Variants in PCSK5 observed in about 807,000 individuals in gnomAD.
PCSK5 encodes the protein prohormone convertase 5.
Under a neutral mutation model 233.2 loss-of-function variants are expected in PCSK5, and 129 were observed. The ratio of observed to expected loss-of-function variants is 0.55; its 90% confidence interval spans 0.48 to 0.64. The LOEUF (loss-of-function observed/expected upper bound fraction) is 0.64. Among genes scored for constraint, PCSK5 ranks in the 30% least tolerant of loss-of-function variants. The pLI, the probability that PCSK5 is intolerant of heterozygous loss-of-function variation, is 0.00. For synonymous variants in PCSK5, 825 were observed against 879.2 expected (o/e 0.94, Z 1.09); for missense variants, 2,076 against 2,430.1 (o/e 0.85, Z 3.06).
intron 1 of PCSK5, among the ~76,000 whole-genome samples, chr9:75,917,912 C>G (rs1823073918): frequency 1.3e-5 from 2 of 152,164 alleles, no homozygotes; most frequent in Non-Finnish European, 2.9e-5. Context: ...TATGGCAGGA[C>G]TTAATGGTTA....
At chr9:76,159,755 C>T (rs1037664839) in intron 12 of PCSK5, among the ~76,000 whole-genome samples, 4 of 150,174 alleles carry the variant, frequency 2.7e-5, no homozygotes, top group Non-Finnish European at 4.4e-5. Context: ...GAGGCGCAGG[C>T]TAGATTTGGC....
intron 2 of PCSK5, among the ~76,000 whole-genome samples, chr9:75,936,305 C>T (rs561786979): frequency 1.3e-5 from 2 of 152,238 alleles, no homozygotes; most frequent in South Asian, 2.1e-4. Flanking sequence ...TTTGCCATAT[C>T]AGTTGACTCT....
chr9:75,935,186 G>A (rs968181723), intron 2 of PCSK5, among the ~76,000 whole-genome samples: 8 of 152,052 alleles, frequency 5.3e-5, no homozygotes, highest in African/African-American at 1.9e-4. Flanking sequence ...TCTTGTCTCA[G>A]CCTCCTGAGT....
intron 7 of PCSK5, among the ~76,000 whole-genome samples, chr9:76,092,141 G>T (rs977985114): frequency 6.6e-6 from 1 of 152,022 alleles, no homozygotes; most frequent in African/African-American, 2.4e-5. Context: ...TGGAAACTAC[G>T]TCCTACCTCT....
At chr9:76,041,396 T>A (rs1330952608) in intron 5 of PCSK5, among the ~76,000 whole-genome samples, 1 of 152,172 alleles carries the variant, frequency 6.6e-6, no homozygotes, top group Non-Finnish European at 1.5e-5. Context: ...AGTGAGCTCC[T>A]TGCAAGCTTT....
At chr9:76,238,148 A>T (rs1033241755) in intron 22 of PCSK5, among the ~76,000 whole-genome samples, 1 of 151,736 alleles carries the variant, frequency 6.6e-6, no homozygotes, top group Non-Finnish European at 1.5e-5. Flanking sequence ...CAGCACAAAA[A>T]CTCCGGGAGG....
At chr9:76,323,589 C>A (rs569217035) in intron 32 of PCSK5, among the ~76,000 whole-genome samples, 2 of 152,160 alleles carry the variant, frequency 1.3e-5, no homozygotes, top group East Asian at 3.9e-4. Context: ...CAATCCTCTG[C>A]CTTGGGCTCC....
In PCSK5 at chr9:76,081,472, TAAACAAAC is replaced by T. The variant is rs374257054; in HGVS notation, c.894+9582_894+9589del. Among the ~76,000 whole-genome samples, 1,484 of 151,840 alleles carry T rather than the reference TAAACAAAC, an allele frequency of 9.8e-3. 17 individuals carry two copies. Among genetic ancestry groups the T allele is most frequent in the African/African-American group, 0.03 (1,231 of 41,392 alleles). Reference sequence around the variant, plus strand: ...TCTGTCTCAAAAATAAATAAATAAATAAACAAACAAACAAATAAATAAATAAATAAATA... The same window carrying T: ...TCTGTCTCAAAAATAAATAAATAAATAAACAAATAAATAAATAAATAAATA... On this transcript the variant is annotated intron_variant, in intron 7 of 37. Transcript: ENST00000674117.
intron 5 of PCSK5, among the ~76,000 whole-genome samples, chr9:76,040,385 G>GTCTCTCTGTCTCTCTCTCTC (rs1563988638): frequency 1.2e-5 from 1 of 80,624 alleles, no homozygotes. Context: ...CTCTCTCTCT[G>GTCTCTCTGTCTCTCTCTCTC]TCTCTCTCTC....
intron 2 of PCSK5, among the ~76,000 whole-genome samples, 184 bp from the exon 3 acceptor site, chr9:75,985,948 A>G (rs551313723): frequency 2.6e-5 from 4 of 151,992 alleles, no homozygotes; most frequent in Non-Finnish European, 5.9e-5. Flanking sequence ...GCATTAAACA[A>G]ACAAAAAAAA....
At chr9:76,272,354 T>G (rs1827540997) in intron 24 of PCSK5, among the ~76,000 whole-genome samples, 1 of 151,992 alleles carries the variant, frequency 6.6e-6, no homozygotes, top group Non-Finnish European at 1.5e-5. Flanking sequence ...CTGATTCCAG[T>G]CTTCTTCTAT....
At chr9:76,130,857 C>T (rs562567014) in intron 9 of PCSK5, among the ~76,000 whole-genome samples, 31 of 152,134 alleles carry the variant, frequency 2.0e-4, no homozygotes, top group South Asian at 8.3e-4. Flanking sequence ...TATTATAGGG[C>T]GGTGGTCACG....
At chr9:75,963,681 T>C (rs977824015) in intron 2 of PCSK5, among the ~76,000 whole-genome samples, 5 of 152,084 alleles carry the variant, frequency 3.3e-5, no homozygotes, top group Non-Finnish European at 7.4e-5. Context: ...GAGTTCGAGA[T>C]CAGCCTGACC....
intron 5 of PCSK5, among the ~76,000 whole-genome samples, chr9:76,066,238 G>A (rs550461228): frequency 1.2e-4 from 18 of 152,202 alleles, no homozygotes; most frequent in African/African-American, 4.1e-4. Context: ...GAACATTTTA[G>A]CAATACTAAT....
At chr9:75,904,947 T>C (rs1406294862) in intron 1 of PCSK5, among the ~76,000 whole-genome samples, 1 of 152,206 alleles carries the variant, frequency 6.6e-6, no homozygotes, top group African/African-American at 2.4e-5. Flanking sequence ...TTCATATTAA[T>C]ATTATGGAAT....
At chr9:76,009,637 A>C (rs1020333216) in intron 3 of PCSK5, among the ~76,000 whole-genome samples, 1 of 151,844 alleles carries the variant, frequency 6.6e-6, no homozygotes, top group Non-Finnish European at 1.5e-5. Context: ...AGGAAAAAAA[A>C]AAAAACAAAA....
In PCSK5 at chr9:76,168,247, G is replaced by A. The variant is rs1823171452; in HGVS notation, c.1620-1457G>A. On this transcript the variant is annotated intron_variant, in intron 12 of 37. Transcript: ENST00000674117. ...GCTCACTGCAACCTCTGCTTCCTGG[G>A]TTCAAGGGATTCTCCTGCCTCAGCC... is the stretch of plus-strand genomic sequence containing the variant. Among the ~76,000 whole-genome samples, 5 of 152,112 alleles carry A rather than the reference G, an allele frequency of 3.3e-5. No individual in the cohort carries two copies. In the South Asian group the frequency reaches 1.0e-3, roughly 32 times the overall value.
chr9:76,328,156 A>C lies in PCSK5; in HGVS notation c.4487A>C (p.Lys1496Thr). ...EYWDEDAPGC[K>T]PCHVKCFHCM... ...TGGGATGAGGATGCTCCCGGGTGCA[A>C]GCCCTGCCATGTTAAGTGCTTCCAC... Residue 1496 changes from lysine to threonine, a missense_variant, in exon 33 of 38, where the codon AAG becomes ACG. By Grantham distance (78) the Lys-to-Thr change is moderately conservative (BLOSUM62 -1). This residue lies in a region of PCSK5 where 1,510 missense variants were observed against 1,538.1 expected (regional missense o/e 0.98). Transcript: ENST00000674117. The C allele has an allele frequency of 6.2e-7, 1 of 1,612,828 alleles. No individual in the cohort carries two copies. Among genetic ancestry groups the C allele is most frequent in the South Asian group, 1.1e-5 (1 of 91,078 alleles).
intron 20 of PCSK5, among the ~76,000 whole-genome samples, chr9:76,216,948 C>T (rs906680606): frequency 6.6e-6 from 1 of 152,164 alleles, no homozygotes; most frequent in Non-Finnish European, 1.5e-5. Context: ...TCAAGCAATT[C>T]GACTGCCTCA....
Sources: gnomAD v4.1 joint callset for allele counts (sites outside exome capture counted in the v4.1 genomes callset) on GRCh38, gnomAD v4.1.1 for gene constraint, gnomAD v4.1.1 regional missense constraint, MANE v1.5 for transcripts, NCBI Gene and HGNC (gene_info 2026-07-23, HGNC 2026-07-21) for gene names.